The following POLQ variants were observed in gnomAD, a reference collection of about 807,000 sequenced individuals.
The protein encoded by POLQ is epididymis secretory sperm binding protein.
POLQ carries 233 observed loss-of-function variants against 259.2 expected under a neutral mutation model. That is an observed-to-expected ratio of 0.90 (90% CI 0.81 to 1.00). The LOEUF (loss-of-function observed/expected upper bound fraction) is 1.00. Among genes scored for constraint, POLQ ranks in the 50% least tolerant of loss-of-function variants. The probability of loss-of-function intolerance (pLI) is 0.00; values close to 1 mark genes in which losing one functional copy is unlikely to be tolerated. For synonymous variants in POLQ, 1,025 were observed against 1,048.8 expected (o/e 0.98, Z 0.44); for missense variants, 2,871 against 3,051.6 (o/e 0.94, Z 1.39).
At chr3:121,447,489 A>G (rs1045369801) in intron 26 of POLQ, among the ~76,000 whole-genome samples, 5 of 151,876 alleles carry the variant, frequency 3.3e-5, no homozygotes, top group Non-Finnish European at 7.4e-5. Context: ...TGTTGTTTAT[A>G]TTTATATCGT....
intron 6 of POLQ, among the ~76,000 whole-genome samples, chr3:121,530,483 TA>T (rs766210055): frequency 3.1e-4 from 47 of 152,220 alleles, no homozygotes; most frequent in Admixed American, 1.8e-3. Flanking sequence ...ACTAAATAAA[TA>T]AATATAAAAT....
chr3:121,486,531 C>T (rs928208848), intron 16 of POLQ, among the ~76,000 whole-genome samples: 25 of 148,830 alleles, frequency 1.7e-4, no homozygotes, highest in African/African-American at 6.2e-4. Context: ...TCCAGCCTGG[C>T]CAATAGCGAG....
In POLQ at chr3:121,493,730, T is replaced by C; in HGVS notation, c.2279-9A>G. On this transcript the variant is annotated splice_polypyrimidine_tract_variant and intron_variant, in intron 14 of 29. Coordinates refer to ENST00000264233, the MANE Select transcript of POLQ (RefSeq NM_199420.4). ...AAATACTGTAATCATCCCTAGAACA[T>C]TCATAGAATATTTGTTGAATTCAAT... The C allele has an allele frequency of 6.2e-7, 1 of 1,600,980 alleles. No individual in the cohort carries two copies. Among genetic ancestry groups the C allele is most frequent in the Non-Finnish European group, 8.5e-7 (1 of 1,171,426 alleles).
intron 26 of POLQ, among the ~76,000 whole-genome samples, chr3:121,440,894 A>G (rs2047586271): frequency 6.6e-6 from 1 of 152,192 alleles, no homozygotes; most frequent in South Asian, 2.1e-4. Flanking sequence ...GTTACGATAA[A>G]TATTTCACTA....
Position 121,489,295 on chromosome 3 carries a change from A to G in POLQ, c.3636T>C (p.Asn1212=). The G allele has an allele frequency of 6.2e-7, 1 of 1,613,294 alleles. No homozygotes were observed. The highest frequency in any genetic ancestry group is 1.7e-5 in the Admixed American group (1 of 59,932). ...CACAGGGCATTTGTCTCTCTATTAT[A>G]TTTTTCTGTTTGGTAATAGTGCTTG... The part of the protein sequence containing the change: ...EQTSTITKQK[N]IIERQMPCEA... Residue 1212 remains asparagine (N), a synonymous_variant, in exon 16 of 30, where the codon AAT becomes AAC. Coordinates refer to ENST00000264233, the MANE Select transcript of POLQ (RefSeq NM_199420.4).
intron 25 of POLQ, among the ~76,000 whole-genome samples, chr3:121,459,112 A>G (rs764923688): frequency 2.0e-5 from 3 of 152,196 alleles, no homozygotes; most frequent in Non-Finnish European, 4.4e-5. Flanking sequence ...TTTGCCTAAT[A>G]GTTATCCAGA....
intron 1 of POLQ, 118 bp from the exon 2 acceptor site, chr3:121,545,024 T>A: frequency 1.7e-6 from 1 of 605,526 alleles, no homozygotes; most frequent in East Asian, 2.8e-5. Flanking sequence ...TTAAAGCACA[T>A]CCTGACTTCA....
rs183650597 is a variant in POLQ at position 121,529,504 on chromosome 3, A to G, written c.1108+141T>C. ...AATATTATTAGAATCGCAAAAGCAC[A>G]GTTTGGTAAAAAGGATACCACCTAG... On this transcript the variant is annotated intron_variant, in intron 7 of 29. Coordinates refer to ENST00000264233, the MANE Select transcript of POLQ (RefSeq NM_199420.4). 7 of 771,376 alleles carry G rather than the reference A, an allele frequency of 9.1e-6. No individual in the cohort carries two copies. The East Asian group carries it at 1.7e-4, about 19-fold the overall frequency. 47.8% of individuals were successfully genotyped at this position (771,376 alleles called of 1,614,324 possible).
At chr3:121,470,871 GTGACCCTCCCATCT>G (rs2047878529) in intron 22 of POLQ, among the ~76,000 whole-genome samples, 1 of 152,184 alleles carries the variant, frequency 6.6e-6, no homozygotes, top group African/African-American at 2.4e-5. Context: ...CTGGGCTCAA[GTGACCCTCCCATCT>G]TGGCCTCCCA....
chr3:121,432,995 G>T lies in POLQ; in HGVS notation c.7582C>A (p.Pro2528Thr). The change falls in exon 29 of 30, where the codon CCA becomes ACA. Residue 2528 changes from proline to threonine, a missense_variant. Coordinates refer to ENST00000264233, the MANE Select transcript of POLQ (RefSeq NM_199420.4). ...RKRKLQGMFC[P>T]IRGGFFILQL... ...AGGATGAAGAAGCCTCCTCTGATTG[G>T]GCAGAACATCCCTTGCAGTTTTCTC... 6.2e-7 allele frequency: 1 copy of T among 1,611,978 alleles called. No individual in the cohort carries two copies. Among genetic ancestry groups the T allele is most frequent in the Non-Finnish European group, 8.5e-7 (1 of 1,178,118 alleles).
chr3:121,468,788 G>C (rs1285171831), intron 22 of POLQ, among the ~76,000 whole-genome samples: 1 of 152,112 alleles, frequency 6.6e-6, no homozygotes, highest in African/African-American at 2.4e-5. Context: ...TAATCAAATG[G>C]ATCTTAGGAG....
intron 19 of POLQ, among the ~76,000 whole-genome samples, chr3:121,480,746 A>C (rs2047963731): frequency 6.6e-6 from 1 of 152,240 alleles, no homozygotes; most frequent in Admixed American, 6.5e-5. Context: ...AACACTGCCC[A>C]TATTCACTAT....
intron 22 of POLQ, among the ~76,000 whole-genome samples, chr3:121,469,216 C>A (rs897731227): frequency 3.3e-4 from 49 of 150,496 alleles, no homozygotes; most frequent in Non-Finnish European, 6.2e-4. Flanking sequence ...GCTTATAAAG[C>A]CTTTATTTCC....
intron 4 of POLQ, 26 bp downstream of exon 4, chr3:121,539,407 A>T: frequency 6.5e-7 from 1 of 1,531,388 alleles, no homozygotes; most frequent in Non-Finnish European, 8.9e-7. Flanking sequence ...AATAGAAAGT[A>T]TTTACTTATT....
chr3:121,461,431 T>C (rs113840121), intron 24 of POLQ, among the ~76,000 whole-genome samples: 2,219 of 152,236 alleles, frequency 0.015, 52 homozygotes, highest in African/African-American at 0.05. Context: ...GGCAGGCAGA[T>C]GACGAGGTCA....
Position 121,440,097 on chromosome 3 carries a change from T to G in POLQ, c.7284A>C (p.Thr2428=). ...SRYTGINQFM[T]ETVKNCKRDG... ...CTCTTTTACAATTCTTCACTGTCTC[T>G]GTCATGAATTGATTAATCCCTACAA... is the stretch of plus-strand genomic sequence containing the variant. Residue 2428 remains threonine, a synonymous_variant, in exon 27 of 30, where the codon ACA becomes ACC. Transcript: ENST00000264233. The G allele has an allele frequency of 6.2e-7, 1 of 1,605,662 alleles. No homozygotes were observed. The highest frequency in any genetic ancestry group is 2.2e-5 in the East Asian group (1 of 44,790).
chr3:121,490,531 A>G, intron 15 of POLQ, 123 bp from the exon 16 acceptor site: 1 of 780,474 alleles, frequency 1.3e-6, no homozygotes, highest in Non-Finnish European at 2.1e-6. Context: ...AGAGAGAGAA[A>G]TGTATCTGCT....
At chr3:121,492,379 T>C (rs2048075757) in intron 15 of POLQ, among the ~76,000 whole-genome samples, 1 of 152,188 alleles carries the variant, frequency 6.6e-6, no homozygotes, top group African/African-American at 2.4e-5. Context: ...ATACTGAGTC[T>C]AGCCCATTCA....
intron 4 of POLQ, among the ~76,000 whole-genome samples, chr3:121,537,627 T>A (rs980632257): frequency 6.6e-6 from 1 of 152,194 alleles, no homozygotes. Context: ...ACAAAGGACA[T>A]GATTTCATTC....
Sources: gnomAD v4.1 joint callset for allele counts (sites outside exome capture counted in the v4.1 genomes callset) on GRCh38, gnomAD v4.1.1 for gene constraint, MANE v1.5 for transcripts, NCBI Gene and HGNC (gene_info 2026-07-23, HGNC 2026-07-21) for gene names.